Variants in DEF8 observed in about 807,000 individuals in gnomAD.
DEF8 encodes the protein DEF-8.
In DEF8, 38 loss-of-function variants were observed where a neutral mutation model predicts 59.1. That is an observed-to-expected ratio of 0.64 (90% CI 0.50 to 0.84). The LOEUF is 0.84. DEF8 is among the 40% of genes least tolerant of loss of function. DEF8 has a pLI of 0.00. For synonymous variants in DEF8, 265 were observed against 250.1 expected (o/e 1.06, Z -0.56); for missense variants, 557 against 615.2 (o/e 0.91, Z 1.00).
intron 12 of DEF8, among the ~76,000 whole-genome samples, chr16:89,965,153 A>G (rs2034497682): frequency 6.6e-6 from 1 of 152,224 alleles, no homozygotes; most frequent in African/African-American, 2.4e-5. Flanking sequence ...GCTCTTGGAA[A>G]AATAATGTAC....
rs1012724256 is a variant in DEF8 at position 89,949,418 on chromosome 16, A to G, written c.-106A>G. 3.7e-6 allele frequency: 6 copies of G among 1,602,960 alleles called. No individual in the cohort carries two copies. The African/African-American group carries it at 6.7e-5, about 18-fold the overall frequency. ...TGCTGGGGTGGCTTCTCCCTGCAGC[A>G]GGTGCCGAACCCACGGCCAGGCTTC... On this transcript the variant is annotated splice_region_variant and 5_prime_UTR_variant, in exon 2 of 13. Transcript: ENST00000563594.
At chr16:89,960,577 T>C (rs1039462101) in intron 6 of DEF8, among the ~76,000 whole-genome samples, 7 of 143,950 alleles carry the variant, frequency 4.9e-5, no homozygotes, top group Non-Finnish European at 9.1e-5. Flanking sequence ...CTCATGATAT[T>C]GAAAGGGTGG....
intron 10 of DEF8, chr16:89,963,967 GC>G (rs1311583306): frequency 4.3e-6 from 3 of 700,458 alleles, no homozygotes; most frequent in East Asian, 2.7e-5. Context: ...AGGGCGGGGG[GC>G]TACACAGGTC....
chr16:89,957,299 A>G, intron 4 of DEF8: 1 of 445,948 alleles, frequency 2.2e-6, no homozygotes, highest in Non-Finnish European at 4.0e-6. Flanking sequence ...GTGGGCAGGC[A>G]GGTCAGGCTA....
intron 5 of DEF8, 86 bp downstream of exon 5, chr16:89,957,746 C>G (rs2033450683): frequency 7.0e-7 from 1 of 1,419,430 alleles, no homozygotes; most frequent in Non-Finnish European, 9.3e-7. Flanking sequence ...GCCTCTGGCT[C>G]TCTCTCAGGC....
chr16:89,960,006 G>A lies in DEF8; in HGVS notation c.514+851G>A, dbSNP rs151233697. 8.5e-3 allele frequency among the ~76,000 whole-genome samples: 1,288 copies of A among 152,006 alleles called. 11 individuals are homozygous for A. Among genetic ancestry groups the A allele is most frequent in the Middle Eastern group, 0.02 (6 of 294 alleles). ...TGGTTGATATAAGGAGGAGCAGAGA[G>A]CCAGGTGTGGCTGCAGCTCTGTGTC... On this transcript the variant is annotated intron_variant, in intron 6 of 12. Transcript: ENST00000563594.
chr16:89,949,313 G>A (rs1467764169), intron 1 of DEF8, 104 bp from the exon 2 acceptor site: 2 of 925,202 alleles, frequency 2.2e-6, no homozygotes, highest in Non-Finnish European at 3.2e-6. Flanking sequence ...CGGTGGAACG[G>A]GTGGGTGGGA....
intron 1 of DEF8, among the ~76,000 whole-genome samples, chr16:89,949,106 A>ACGGGGCTGGGAG (rs2031419550): frequency 1.3e-4 from 1 of 7,918 alleles, no homozygotes; most frequent in African/African-American, 5.1e-4. Context: ...GGGGCCGGCG[A>ACGGGGCTGGGAG]GGTCGGGGCC....
At chr16:89,958,328 G>A (rs867656804) in intron 5 of DEF8, 1 of 154,088 alleles carries the variant, frequency 6.5e-6, no homozygotes, top group Non-Finnish European at 1.4e-5. Flanking sequence ...GGTGGGCTAA[G>A]TAAGTTCCTC....
In DEF8 at chr16:89,957,556, G is replaced by A. The variant is rs778842562; in HGVS notation, c.268G>A (p.Glu90Lys). 10 of 1,592,928 alleles carry A rather than the reference G, an allele frequency of 6.3e-6. No homozygotes were observed. The highest frequency in any genetic ancestry group is 1.8e-5 in the Admixed American group (1 of 56,836). The stretch of plus-strand genomic sequence containing the variant: ...CGTCCAGCAGCTGCGGCAGGCGATC[G>A]AGGAGTGCAAGCAGGTGATTCTGGA... Reference protein sequence around the residue: ...SDVQQLRQAIEECKQVILELP... With the variant: ...SDVQQLRQAIKECKQVILELP... The change falls in exon 5 of 13, where the codon GAG becomes AAG. Residue 90 changes from glutamate to lysine, a missense_variant. By Grantham distance (56) the Glu-to-Lys change is moderately conservative. Transcript: ENST00000563594.
intron 6 of DEF8, 49 bp from the exon 7 acceptor site, chr16:89,960,882 G>A: frequency 6.3e-7 from 1 of 1,584,242 alleles, no homozygotes; most frequent in East Asian, 2.3e-5. Flanking sequence ...GGCCTGGGCT[G>A]CAGGCGCACC....
chr16:89,952,283 C>G (rs920439556), intron 2 of DEF8, among the ~76,000 whole-genome samples: 2 of 152,218 alleles, frequency 1.3e-5, no homozygotes, highest in African/African-American at 4.8e-5. Flanking sequence ...TAGGTGTGAG[C>G]TACCACGCCC....
In DEF8 at chr16:89,966,961, T is replaced by G. The variant is rs1040656216; in HGVS notation, c.*998T>G. 4 of 254,978 alleles carry G rather than the reference T, an allele frequency of 1.6e-5. No homozygotes were observed. The highest frequency in any genetic ancestry group is 8.8e-5 in the African/African-American group (4 of 45,222). The allele number at this position is 254,978 out of a possible 1,614,324, so 15.8% of individuals were successfully genotyped here. On this transcript the variant is annotated 3_prime_UTR_variant, in exon 13 of 13. Transcript: ENST00000563594. ...AGAGAGCTGAGAGTATTCGCTCGAC[T>G]GAGCACATTCAGGAAGATCAGGGCA...
chr16:89,954,808 T>A lies in DEF8; in HGVS notation c.125-361T>A, dbSNP rs910640298. Among the ~76,000 whole-genome samples the A allele has an allele frequency of 2.0e-5, 3 of 151,908 alleles. No individual in the cohort carries two copies. The highest frequency in any genetic ancestry group is 2.1e-4 in the South Asian group (1 of 4,798). On this transcript the variant is annotated intron_variant, in intron 3 of 12. Transcript: ENST00000563594. The surrounding 1 kb of genome is among the most constrained non-coding windows in gnomAD (Gnocchi z 4.3). ...AGACGGCCTGGAGTCGACACTGGGG[T>A]TCGTGGATTTTGCTGTGTAGCCATG...
intron 2 of DEF8, among the ~76,000 whole-genome samples, chr16:89,951,797 G>A (rs566743051): frequency 4.6e-5 from 7 of 151,780 alleles, no homozygotes; most frequent in African/African-American, 1.7e-4. Flanking sequence ...ATTCTCAGAA[G>A]TCTTTTCTTT....
chr16:89,963,869 C>CA (rs2034341165), intron 10 of DEF8: 1 of 520,038 alleles, frequency 1.9e-6, no homozygotes, highest in South Asian at 2.0e-5. Flanking sequence ...AACTCTGTGA[C>CA]AAGATAGAGA....
In DEF8 at chr16:89,958,638, C is replaced by T. The variant is rs545582753; in HGVS notation, c.373-376C>T. 2.3e-5 allele frequency: 6 copies of T among 255,552 alleles called. No individual in the cohort carries two copies. The South Asian group carries it at 2.9e-4, about 12-fold the overall frequency. 15.8% of individuals were successfully genotyped at this position (255,552 alleles called of 1,614,324 possible). On this transcript the variant is annotated intron_variant, in intron 5 of 12. Coordinates refer to ENST00000563594, the MANE Select transcript of DEF8 (RefSeq NM_001242818.2). ...CATAGGTGGTCTGGGGCCTCTATGA[C>T]AGCTAATGGTGTTGGGGAGGGCCTC... is the stretch of plus-strand genomic sequence containing the variant.
chr16:89,967,546 G>C lies in DEF8; in HGVS notation c.*1583G>C. ...AACGGTGAGCAGGGAACATGTCGGAGTCCTTCAGAGAATGTGATGTGAGGT... is the reference window on the plus strand; with the variant it reads ...AACGGTGAGCAGGGAACATGTCGGACTCCTTCAGAGAATGTGATGTGAGGT... On this transcript the variant is annotated 3_prime_UTR_variant, in exon 13 of 13. Transcript: ENST00000563594. The C allele has an allele frequency of 2.5e-6, 1 of 398,464 alleles. No individual in the cohort carries two copies. The highest frequency in any genetic ancestry group is 4.4e-6 in the Non-Finnish European group (1 of 226,078). The allele number at this position is 398,464 out of a possible 1,614,324, so 24.7% of individuals were successfully genotyped here. A position where few individuals can be genotyped will look rare whatever the true frequency, so the allele number is the denominator to read the frequency against.
intron 12 of DEF8, among the ~76,000 whole-genome samples, chr16:89,965,429 C>T (rs1019722028): frequency 9.9e-5 from 15 of 152,218 alleles, no homozygotes; most frequent in African/African-American, 2.2e-4. Context: ...TCGAGCTAGT[C>T]GTTTGCTCAG....
Sources: allele counts gnomAD v4.1 joint callset (sites outside exome capture counted in the v4.1 genomes callset), GRCh38; gene constraint gnomAD v4.1.1; non-coding constraint Gnocchi (gnomAD v3.1); transcripts MANE v1.5; gene names NCBI Gene and HGNC (gene_info 2026-07-23, HGNC 2026-07-21).